The following KPNA2 variants were observed in gnomAD, a reference collection of about 807,000 sequenced individuals.
KPNA2 encodes the protein karyopherin subunit alpha 2.
KPNA2 carries 20 observed loss-of-function variants against 53.7 expected under a neutral mutation model. The observed-to-expected ratio is 0.37, with a 90% CI of 0.26 to 0.54. KPNA2 has a LOEUF of 0.54. Among genes scored for constraint, KPNA2 ranks in the 20% least tolerant of loss-of-function variants. The pLI is 0.83. For synonymous variants in KPNA2, 238 were observed against 227.5 expected (o/e 1.05, Z -0.42); for missense variants, 515 against 640.3 (o/e 0.80, Z 2.11).
At chr17:68,040,787 C>A in intron 4 of KPNA2, 21 bp downstream of exon 4, 8 of 1,480,224 alleles carry the variant, frequency 5.4e-6, no homozygotes, top group South Asian at 1.1e-5. Flanking sequence ...TCTGCGATAG[C>A]ATGGGTAGCC....
rs782461316 is a variant in KPNA2 at position 68,044,063 on chromosome 17, C to T, written c.1156C>T (p.Leu386Phe). 1 of 1,609,038 alleles carries T rather than the reference C, an allele frequency of 6.2e-7. No homozygotes were observed. The highest frequency in any genetic ancestry group is 8.5e-7 in the Non-Finnish European group (1 of 1,175,490). ...ATTAGTCCCATTCCTTGTCAGTGTT[C>T]TCTCTAAGGTAACGAAGTCTTAGGA... ...HGLVPFLVSV[L>F]SKADFKTQKE... is the part of the protein sequence containing the mutation. Residue 386 changes from leucine to phenylalanine, a missense_variant, in exon 8 of 11, where the codon CTC (leucine) becomes TTC (phenylalanine). Leu to Phe is a conservative substitution (Grantham distance 22). Coordinates refer to ENST00000330459, the MANE Select transcript of KPNA2 (RefSeq NM_002266.4).
chr17:68,040,252 G>T (rs1336228802), intron 3 of KPNA2, among the ~76,000 whole-genome samples: 1 of 149,044 alleles, frequency 6.7e-6, no homozygotes, highest in Non-Finnish European at 1.5e-5. Flanking sequence ...ACACCACCAT[G>T]CCTGGATATT....
intron 3 of KPNA2, 73 bp from the exon 4 acceptor site, chr17:68,040,605 C>A: frequency 1.0e-6 from 1 of 1,004,280 alleles, no homozygotes. Context: ...CACTTGCCTT[C>A]ACAAGTAAGT....
intron 4 of KPNA2, 150 bp downstream of exon 4, chr17:68,040,916 A>AT (rs574233625): frequency 9.0e-6 from 5 of 555,204 alleles, no homozygotes; most frequent in African/African-American, 7.6e-5. Flanking sequence ...TTATTTATTA[A>AT]TTTTTTTGAG....
rs375015606 is a variant in KPNA2, at chr17:68,040,710, C to T, written c.246C>T (p.Val82=). 6.0e-5 allele frequency: 96 copies of T among 1,612,668 alleles called. No homozygotes were observed. Among genetic ancestry groups the T allele is most frequent in the Non-Finnish European group, 7.7e-5 (91 of 1,179,178 alleles). Residue 82 remains valine (V), a synonymous_variant, in exon 4 of 11, where the codon GTC becomes GTT. Transcript: ENST00000330459. The stretch of plus-strand genomic sequence containing the variant: ...TAAATTGGTCTGTTGATGACATTGT[C>T]AAAGGCATAAATAGCAGCAATGTGG... ...GTVNWSVDDI[V]KGINSSNVEN...
chr17:68,042,637 C>T (rs1036993324), intron 5 of KPNA2, among the ~76,000 whole-genome samples: 2 of 152,104 alleles, frequency 1.3e-5, no homozygotes, highest in Non-Finnish European at 2.9e-5. Flanking sequence ...AATCCCAGCA[C>T]TTTGGGAGGC....
intron 3 of KPNA2, among the ~76,000 whole-genome samples, chr17:68,037,880 C>T (rs572323640): frequency 3.5e-4 from 53 of 151,954 alleles, no homozygotes; most frequent in African/African-American, 1.2e-3. Context: ...CTCACTGCAA[C>T]CTCTGCCTCA....
At chr17:68,039,321 G>T (rs959845221) in intron 3 of KPNA2, among the ~76,000 whole-genome samples, 1 of 151,402 alleles carries the variant, frequency 6.6e-6, no homozygotes, top group Admixed American at 6.6e-5. Flanking sequence ...GGGATTCACC[G>T]TGTTTCCCAG....
intron 1 of KPNA2, chr17:68,036,907 C>T: frequency 4.3e-6 from 2 of 461,856 alleles, no homozygotes; most frequent in Non-Finnish European, 7.7e-6. Flanking sequence ...AGAGCCCTCT[C>T]CAGGAAGTCT....
rs11545991 is a variant in KPNA2 at position 68,043,183 on chromosome 17, G to A, written c.750G>A (p.Glu250=). 6.2e-7 allele frequency: 1 copy of A among 1,614,062 alleles called. No homozygotes were observed. Among genetic ancestry groups the A allele is most frequent in the South Asian group, 1.1e-5 (1 of 91,086 alleles). The change falls in exon 7 of 11, where the codon GAG becomes GAA. Residue 250 remains glutamate (E), a synonymous_variant. Coordinates refer to ENST00000330459, the MANE Select transcript of KPNA2 (RefSeq NM_002266.4). ...CTGCACCCCCGATAGATGCTGTTGA[G>A]CAGATTCTTCCTACCTTAGTTCGGC... The part of the protein sequence containing the change: ...KNPAPPIDAV[E]QILPTLVRLL...
At chr17:68,040,980 A>G (rs1261155304) in intron 4 of KPNA2, among the ~76,000 whole-genome samples, 5 of 152,242 alleles carry the variant, frequency 3.3e-5, no homozygotes, top group Non-Finnish European at 7.3e-5. Context: ...GGGTTCAAGC[A>G]GTCCTCTGAC....
chr17:68,041,311 C>G (rs1000986051), intron 4 of KPNA2, among the ~76,000 whole-genome samples: 2 of 152,266 alleles, frequency 1.3e-5, no homozygotes, highest in Non-Finnish European at 2.9e-5. Flanking sequence ...TTCCTGTAAT[C>G]CCAGCACTTT....
At chr17:68,043,727 A>C (rs2071292550) in intron 7 of KPNA2, 111 bp from the exon 8 acceptor site, 1 of 704,466 alleles carries the variant, frequency 1.4e-6, no homozygotes, top group African/African-American at 1.8e-5. Flanking sequence ...TAATATTGAA[A>C]TATTGCCTAT....
intron 1 of KPNA2, chr17:68,036,044 A>C (rs1163897235): frequency 6.6e-6 from 1 of 152,394 alleles, no homozygotes; most frequent in East Asian, 1.9e-4. Context: ...GACGCTCTGC[A>C]AACGGCAGCG....
At position 68,045,880 on chromosome 17, in the gene KPNA2, A is replaced by C; in HGVS notation, c.1456A>C (p.Lys486Gln). The C allele has an allele frequency of 6.2e-7, 1 of 1,602,262 alleles. No homozygotes were observed. The highest frequency in any genetic ancestry group is 8.5e-7 in the Non-Finnish European group (1 of 1,173,596). Residue 486 changes from lysine (K) to glutamine (Q), a missense_variant, in exon 10 of 11, where the codon AAG becomes CAG. Lys to Gln is a moderately conservative substitution (Grantham distance 53). Transcript: ENST00000330459. The part of the protein sequence containing the change: ...LQNHENESVY[K>Q]ASLSLIEKYF... ...AAACCATGAAAATGAGTCTGTGTAT[A>C]AGGCTTCGTTAAGCTTAATTGAGAA...
chr17:68,036,286 A>G (rs2071189074), intron 1 of KPNA2: 1 of 152,272 alleles, frequency 6.6e-6, no homozygotes, highest in Non-Finnish European at 1.5e-5. Flanking sequence ...CAAAGATAGC[A>G]AATTGTAAGG....
At chr17:68,040,993 C>T (rs1555704513) in intron 4 of KPNA2, among the ~76,000 whole-genome samples, 3 of 152,220 alleles carry the variant, frequency 2.0e-5, no homozygotes, top group Non-Finnish European at 4.4e-5. Flanking sequence ...CCTCTGACCT[C>T]AGCCTCCTGA....
rs781904241 is a variant in KPNA2 at position 68,043,795 on chromosome 17, T to A, written c.931-43T>A. On this transcript the variant is annotated intron_variant, in intron 7 of 10. Coordinates refer to ENST00000330459, the MANE Select transcript of KPNA2 (RefSeq NM_002266.4). ...TTAGGGTATAGAATTTCTAAAGTGCTGGGGAAAAAATAACCAGCATCAACA... is the reference window on the plus strand; with the variant it reads ...TTAGGGTATAGAATTTCTAAAGTGCAGGGGAAAAAATAACCAGCATCAACA... 3.1e-6 allele frequency: 4 copies of A among 1,272,284 alleles called. No individual in the cohort carries two copies. The South Asian group carries it at 4.9e-5, about 15-fold the overall frequency. The allele number at this position is 1,272,284 out of a possible 1,614,324, so 78.8% of individuals were successfully genotyped here.
At chr17:68,040,877 C>A in intron 4 of KPNA2, 111 bp downstream of exon 4, 1 of 681,568 alleles carries the variant, frequency 1.5e-6, no homozygotes, top group Non-Finnish European at 2.6e-6. Flanking sequence ...AAAGATTAGG[C>A]CAGCCAGCCA....
Sources: gnomAD v4.1 joint callset for allele counts (sites outside exome capture counted in the v4.1 genomes callset) on GRCh38, gnomAD v4.1.1 for gene constraint, MANE v1.5 for transcripts, NCBI Gene and HGNC (gene_info 2026-07-23, HGNC 2026-07-21) for gene names.